PARD3B: variants seen among roughly 807,000 people sequenced by gnomAD.
PARD3B encodes the protein partitioning defective 3 homolog B.
In PARD3B, 103 loss-of-function variants were observed where a neutral mutation model predicts 130.2. The observed-to-expected ratio is 0.79, with a 90% confidence interval of 0.67 to 0.93. PARD3B has a LOEUF of 0.93. Ranked by LOEUF, PARD3B falls within the 40% of genes least tolerant of loss-of-function variation. The pLI is 0.00. For missense variants in PARD3B, 1,609 were observed against 1,499.2 expected (o/e 1.07, Z -1.21); for synonymous variants, 583 against 553.2 (o/e 1.05, Z -0.76).
chr2:205,591,730 G>A lies in PARD3B; in HGVS notation c.3261-23726G>A, dbSNP rs1217020826. ...GAACCTAAACACAGACATACAAGGA[G>A]GGAATCAGGAGGGACCCCAGTCAGA... On this transcript the variant is annotated intron_variant, in intron 22 of 22. Transcript: ENST00000406610. This position sits in a 1 kb window ranked among gnomAD's most constrained non-coding sequence, Gnocchi z 4.2. Among the ~76,000 whole-genome samples, 4 of 152,178 alleles carry A rather than the reference G, an allele frequency of 2.6e-5. No individual in the cohort carries two copies. The highest frequency in any genetic ancestry group is 9.6e-5 in the African/African-American group (4 of 41,452).
chr2:204,826,966 G>T (rs2043604184), intron 2 of PARD3B, among the ~76,000 whole-genome samples: 1 of 152,172 alleles, frequency 6.6e-6, no homozygotes, highest in Non-Finnish European at 1.5e-5. Flanking sequence ...GCTGTAGTGA[G>T]CTATGATCAT....
chr2:205,017,025 T>C (rs1696198997), intron 3 of PARD3B, among the ~76,000 whole-genome samples: 1 of 152,102 alleles, frequency 6.6e-6, no homozygotes, highest in Admixed American at 6.6e-5. Context: ...GTGTCTAGAT[T>C]TGAGAAAGGT....
In PARD3B at chr2:205,301,710, C is replaced by T. The variant is rs747805498; in HGVS notation, c.2630+9C>T. 2 of 1,613,942 alleles carry T rather than the reference C, an allele frequency of 1.2e-6. No homozygotes were observed. The highest frequency in any genetic ancestry group is 1.3e-5 in the African/African-American group (1 of 74,986). On this transcript the variant is annotated intron_variant, in intron 18 of 22. Coordinates refer to ENST00000406610, the MANE Select transcript of PARD3B (RefSeq NM_001302769.2). The surrounding 1 kb of genome is among the most constrained non-coding windows in gnomAD (Gnocchi z 5.2). Reference sequence around the variant, plus strand: ...TTCGGCGCCATGCTGAGGTATGGGCCTGCTTTGAAGGCAAAGTTGGTTCTC... The same window carrying T: ...TTCGGCGCCATGCTGAGGTATGGGCTTGCTTTGAAGGCAAAGTTGGTTCTC...
intron 22 of PARD3B, among the ~76,000 whole-genome samples, chr2:205,573,621 CAAAGGA>C: frequency 6.6e-6 from 1 of 152,202 alleles, no homozygotes; most frequent in Admixed American, 6.5e-5. Flanking sequence ...ATTTTTGTGC[CAAAGGA>C]AAAGATTTCA....
At chr2:204,647,607 A>G (rs1040428029) in intron 1 of PARD3B, among the ~76,000 whole-genome samples, 4 of 151,890 alleles carry the variant, frequency 2.6e-5, no homozygotes, top group Admixed American at 6.6e-5. Flanking sequence ...CACTGTGATC[A>G]TATGCAATAT....
chr2:205,153,429 A>G (rs970680356), intron 10 of PARD3B, among the ~76,000 whole-genome samples: 1 of 152,234 alleles, frequency 6.6e-6, no homozygotes, highest in African/African-American at 2.4e-5. Flanking sequence ...TTCCATGCTC[A>G]TGGATAGGAA....
intron 2 of PARD3B, among the ~76,000 whole-genome samples, chr2:204,693,333 C>T (rs370179434): frequency 3.3e-5 from 5 of 151,958 alleles, no homozygotes; most frequent in African/African-American, 9.7e-5. Flanking sequence ...CCTTACCTGT[C>T]AGCTGTTTTT....
chr2:204,652,294 A>G (rs2035507272), intron 1 of PARD3B, among the ~76,000 whole-genome samples: 1 of 152,138 alleles, frequency 6.6e-6, no homozygotes, highest in Non-Finnish European at 1.5e-5. Flanking sequence ...AATGCACACG[A>G]CTGTATGCAT....
Position 205,133,401 on chromosome 2 carries a change from G to C in PARD3B, c.1434+7664G>C, listed in dbSNP as rs140754696. ...AGTCTTGGCATCACTTGGGGATTTG[G>C]TAAGCATGCAGATTGCCAGGCTCCC... On this transcript the variant is annotated intron_variant, in intron 10 of 22. Coordinates refer to ENST00000406610, the MANE Select transcript of PARD3B (RefSeq NM_001302769.2). Among the ~76,000 whole-genome samples, 12 of 152,274 alleles carry C rather than the reference G, an allele frequency of 7.9e-5. No individual in the cohort carries two copies. In the East Asian group the frequency reaches 2.3e-3, roughly 29 times the overall value.
intron 18 of PARD3B, among the ~76,000 whole-genome samples, chr2:205,389,055 T>C (rs1197123838): frequency 1.3e-5 from 2 of 152,310 alleles, no homozygotes; most frequent in East Asian, 3.9e-4. Flanking sequence ...ACAAATTTCA[T>C]AGAAACTTGT....
At chr2:204,550,939 G>T (rs1234912735) in intron 1 of PARD3B, among the ~76,000 whole-genome samples, 1 of 152,180 alleles carries the variant, frequency 6.6e-6, no homozygotes, top group Non-Finnish European at 1.5e-5. Context: ...GTATACATAA[G>T]CTAGGCCCAG....
chr2:205,499,176 G>C (rs984510840), intron 20 of PARD3B, among the ~76,000 whole-genome samples: 3 of 152,036 alleles, frequency 2.0e-5, no homozygotes, highest in Non-Finnish European at 4.4e-5. Context: ...TAAGCTACAA[G>C]GGAGGTGCTA....
At position 205,615,608 on chromosome 2, in the gene PARD3B, G is replaced by T. The variant is rs201703766; in HGVS notation, c.3413G>T (p.Arg1138Leu). The stretch of plus-strand genomic sequence containing the variant: ...ACAGAGCTCAGGGTGGCAGATCTCC[G>T]GTATCCTCAGCACTACCCACCCCCG... ...RPTELRVADL[R>L]YPQHYPPPPA... Residue 1138 changes from arginine to leucine, a missense_variant, in exon 23 of 23, where the codon CGG becomes CTG. By Grantham distance (102) the Arg-to-Leu change is moderately radical. Transcript: ENST00000406610. The T allele has an allele frequency of 4.3e-6, 7 of 1,613,926 alleles. No individual in the cohort carries two copies. The South Asian group carries it at 5.5e-5, about 13-fold the overall frequency.
chr2:204,980,557 T>C (rs962023757), intron 3 of PARD3B, among the ~76,000 whole-genome samples: 2 of 152,154 alleles, frequency 1.3e-5, no homozygotes, highest in African/African-American at 4.8e-5. Flanking sequence ...TTGAACCAAG[T>C]GATCAAGATT....
intron 18 of PARD3B, among the ~76,000 whole-genome samples, chr2:205,353,497 T>TA (rs139147032): frequency 0.059 from 8,964 of 152,278 alleles, 367 homozygotes; most frequent in Middle Eastern, 0.2. Context: ...GTAAATTCCT[T>TA]AAAAAATGAC....
At chr2:204,846,423 G>A (rs1262037626) in intron 2 of PARD3B, among the ~76,000 whole-genome samples, 2 of 151,942 alleles carry the variant, frequency 1.3e-5, no homozygotes, top group East Asian at 1.9e-4. Context: ...ATACATAGGC[G>A]TGTACACTGC....
At chr2:204,972,036 A>G (rs1691763521) in intron 3 of PARD3B, among the ~76,000 whole-genome samples, 1 of 152,088 alleles carries the variant, frequency 6.6e-6, no homozygotes, top group African/African-American at 2.4e-5. Context: ...TATTCATTGA[A>G]TATTTAAAAT....
At chr2:204,817,512 C>G (rs886540084) in intron 2 of PARD3B, among the ~76,000 whole-genome samples, 1 of 152,068 alleles carries the variant, frequency 6.6e-6, no homozygotes, top group Non-Finnish European at 1.5e-5. Flanking sequence ...TTTCAGTGTT[C>G]CTTTTGGGAA....
intron 3 of PARD3B, among the ~76,000 whole-genome samples, chr2:204,997,659 A>G (rs1424512701): frequency 6.6e-6 from 1 of 152,058 alleles, no homozygotes; most frequent in Non-Finnish European, 1.5e-5. Flanking sequence ...TATGTCATCT[A>G]TGATTGACTA....
Sources: gnomAD v4.1 joint callset for allele counts (sites outside exome capture counted in the v4.1 genomes callset) on GRCh38, gnomAD v4.1.1 for gene constraint, Gnocchi (gnomAD v3.1) non-coding constraint, MANE v1.5 for transcripts, NCBI Gene and HGNC (gene_info 2026-07-23, HGNC 2026-07-21) for gene names.